Variants in PLAAT4 observed in about 807,000 individuals in gnomAD.
PLAAT4 encodes the protein phospholipase A and acyltransferase 4, also known as HRAS-like suppressor 4.
PLAAT4 carries 12 observed loss-of-function variants against 14.1 expected under a neutral mutation model. The observed-to-expected ratio is 0.85, with a 90% CI of 0.54 to 1.37. The LOEUF (loss-of-function observed/expected upper bound fraction) is 1.37. Among genes scored for constraint, PLAAT4 ranks in the 40% most tolerant of loss-of-function variants. The pLI is 0.00. For synonymous variants in PLAAT4, 77 were observed against 79.8 expected (o/e 0.96, Z 0.19); for missense variants, 163 against 211.7 (o/e 0.77, Z 1.43).
At chr11:63,540,645 G>T (rs1177051597) in intron 2 of PLAAT4, among the ~76,000 whole-genome samples, 1 of 152,160 alleles carries the variant, frequency 6.6e-6, no homozygotes, top group Non-Finnish European at 1.5e-5. Context: ...GGCCAACATG[G>T]TGAAACCCCG....
At chr11:63,539,712 A>G in intron 2 of PLAAT4, 88 bp downstream of exon 2, 1 of 1,025,794 alleles carries the variant, frequency 9.7e-7, no homozygotes, top group Non-Finnish European at 1.4e-6. Flanking sequence ...CTGTAATCCC[A>G]GCACTTTGAG....
At chr11:63,536,909 C>T in intron 1 of PLAAT4, 32 bp downstream of exon 1, 1 of 1,606,152 alleles carries the variant, frequency 6.2e-7, no homozygotes, top group South Asian at 1.1e-5. Context: ...ATTACTGACT[C>T]TACAGCAGTT....
At chr11:63,538,920 G>A (rs1457519242) in intron 1 of PLAAT4, among the ~76,000 whole-genome samples, 1 of 152,150 alleles carries the variant, frequency 6.6e-6, no homozygotes, top group Non-Finnish European at 1.5e-5. Flanking sequence ...CTCAGTGCTG[G>A]GAGCTGGGGG....
chr11:63,542,108 T>G (rs2017326458), intron 2 of PLAAT4, among the ~76,000 whole-genome samples: 2 of 152,194 alleles, frequency 1.3e-5, no homozygotes, highest in African/African-American at 2.4e-5. Context: ...AGTTTAACCA[T>G]TTTCATTAAA....
intron 2 of PLAAT4, among the ~76,000 whole-genome samples, chr11:63,542,085 C>A (rs1050542005): frequency 2.6e-5 from 4 of 151,998 alleles, no homozygotes; most frequent in African/African-American, 9.7e-5. Context: ...TTTTAAGGAC[C>A]AAAATTATTT....
At position 63,540,149 on chromosome 11, in the gene PLAAT4, G is replaced by A. The variant is rs111602571; in HGVS notation, c.118+525G>A. ...AGAAGAGACCGTTGCCTCCCGCAGC[G>A]AAGCTGGGCTGCTTCAGCATTGGGA... On this transcript the variant is annotated intron_variant, in intron 2 of 3. Transcript: ENST00000255688. Among the ~76,000 whole-genome samples, 216 of 152,338 alleles carry A rather than the reference G, an allele frequency of 1.4e-3. 1 individual carries two copies. Among genetic ancestry groups the A allele is most frequent in the African/African-American group, 4.9e-3 (205 of 41,582 alleles).
intron 3 of PLAAT4, 47 bp downstream of exon 3, chr11:63,544,936 C>G (rs1425092135): frequency 1.2e-6 from 2 of 1,612,664 alleles, no homozygotes; most frequent in African/African-American, 2.7e-5. Context: ...TGGGGCTGGA[C>G]TCACGGGGCT....
intron 1 of PLAAT4, among the ~76,000 whole-genome samples, chr11:63,537,128 G>C (rs2017277171): frequency 6.6e-6 from 1 of 152,196 alleles, no homozygotes; most frequent in Non-Finnish European, 1.5e-5. Context: ...ATGTAGTAGA[G>C]AGCTGTGGGG....
chr11:63,544,994 GACC>G, intron 3 of PLAAT4, 105 bp downstream of exon 3: 3 of 1,516,720 alleles, frequency 2.0e-6, no homozygotes, highest in Non-Finnish European at 2.7e-6. Context: ...GCCTCTTAGA[GACC>G]TGCTGGCTGA....
At position 63,544,663 on chromosome 11, in the gene PLAAT4, T is replaced by C. The variant is rs762777396; in HGVS notation, c.161T>C (p.Leu54Pro). ...GGCTCCTCCAGTGTCTTCTCAGTCCTGAGCAACAGTGCAGAGGTGAAACGG... is the reference window on the plus strand; with the variant it reads ...GGCTCCTCCAGTGTCTTCTCAGTCCCGAGCAACAGTGCAGAGGTGAAACGG... Reference protein sequence around the residue: ...GAGSSSVFSVLSNSAEVKRER... With the variant: ...GAGSSSVFSVPSNSAEVKRER... The change falls in exon 3 of 4, where the codon CTG becomes CCG. Residue 54 changes from leucine to proline, a missense_variant. By Grantham distance (98) the Leu-to-Pro change is moderately conservative. Transcript: ENST00000255688. 2 of 1,614,142 alleles carry C rather than the reference T, an allele frequency of 1.2e-6. No individual in the cohort carries two copies.
At chr11:63,545,050 C>A in intron 3 of PLAAT4, 161 bp downstream of exon 3, 3 of 997,590 alleles carry the variant, frequency 3.0e-6, no homozygotes, top group Non-Finnish European at 3.1e-6. Flanking sequence ...TGCTTCTAAT[C>A]CACAGAGGGT....
chr11:63,537,190 G>A (rs970804636), intron 1 of PLAAT4, among the ~76,000 whole-genome samples: 2 of 152,150 alleles, frequency 1.3e-5, no homozygotes, highest in African/African-American at 4.8e-5. Context: ...GTGTGGGCAG[G>A]TGGGGGACTC....
intron 2 of PLAAT4, 117 bp from the exon 3 acceptor site, chr11:63,544,504 T>G: frequency 5.3e-6 from 7 of 1,323,950 alleles, no homozygotes; most frequent in African/African-American, 1.5e-5. Context: ...GCAAAATCTG[T>G]GAATCCTTCA....
At chr11:63,540,679 A>G (rs1214148335) in intron 2 of PLAAT4, among the ~76,000 whole-genome samples, 3 of 152,148 alleles carry the variant, frequency 2.0e-5, no homozygotes, top group African/African-American at 7.2e-5. Flanking sequence ...TACAAAAATT[A>G]GCTGGGGGTG....
chr11:63,539,909 C>T (rs1384164585), intron 2 of PLAAT4, among the ~76,000 whole-genome samples: 1 of 152,142 alleles, frequency 6.6e-6, no homozygotes, highest in African/African-American at 2.4e-5. Context: ...TGCAGTGAGC[C>T]GAGATCGTGC....
chr11:63,543,396 G>C (rs998599951), intron 2 of PLAAT4, among the ~76,000 whole-genome samples: 7 of 152,272 alleles, frequency 4.6e-5, no homozygotes, highest in Non-Finnish European at 1.5e-5. Context: ...CCCGAGTTCA[G>C]GCCAGGTGAT....
chr11:63,538,752 C>T (rs998107525), intron 1 of PLAAT4, among the ~76,000 whole-genome samples: 2 of 152,186 alleles, frequency 1.3e-5, no homozygotes, highest in Non-Finnish European at 2.9e-5. Flanking sequence ...CGGCCTCCTT[C>T]CAGCTGAGTG....
In PLAAT4 at chr11:63,546,053, G is replaced by A. The variant is rs1429715471; in HGVS notation, c.388-96G>A. On this transcript the variant is annotated intron_variant, in intron 3 of 3. Coordinates refer to ENST00000255688, the MANE Select transcript of PLAAT4 (RefSeq NM_004585.5). ...ATGCCAGGCCTTAGGGGAGGCAGGA[G>A]AGAGGGGAGAGGGAGAGGAGTTCCA... 6 of 962,666 alleles carry A rather than the reference G, an allele frequency of 6.2e-6. No individual in the cohort carries two copies. The East Asian group carries it at 1.4e-4, about 23-fold the overall frequency. 59.6% of individuals were successfully genotyped at this position (962,666 alleles called of 1,614,324 possible).
rs777708850 is a variant in PLAAT4, at chr11:63,539,602, C to A, written c.96C>A (p.Tyr32Ter). The change falls in exon 2 of 4, where the codon TAC becomes TAA. Residue 32 changes from tyrosine to a stop codon, truncating the protein, a stop_gained. Transcript: ENST00000255688. LOFTEE classifies it high-confidence loss of function. ...GGGCCCTGTATATAGGAGATGGCTACGTGATCCATCTGGCTCCTCCAAGTA... is the reference window on the plus strand; with the variant it reads ...GGGCCCTGTATATAGGAGATGGCTAAGTGATCCATCTGGCTCCTCCAAGTA... ...EHWALYIGDG[Y>*]VIHLAPPSEY... The A allele has an allele frequency of 3.4e-5, 54 of 1,610,902 alleles. No homozygotes were observed. The highest frequency in any genetic ancestry group is 4.5e-5 in the Non-Finnish European group (53 of 1,177,284).
Sources: gnomAD v4.1 joint callset for allele counts (sites outside exome capture counted in the v4.1 genomes callset) on GRCh38, gnomAD v4.1.1 for gene constraint, MANE v1.5 for transcripts, NCBI Gene and HGNC (gene_info 2026-07-23, HGNC 2026-07-21) for gene names.